The following ITPR2 variants were observed in gnomAD, a reference collection of about 807,000 sequenced individuals.
The protein encoded by ITPR2 is inositol 1,4,5-trisphosphate receptor type 2.
Under a neutral mutation model 317.1 loss-of-function variants are expected in ITPR2, and 207 were observed. That is an observed-to-expected ratio of 0.65 (90% CI 0.58 to 0.73). The LOEUF (loss-of-function observed/expected upper bound fraction) is 0.73. ITPR2 is among the 30% of genes least tolerant of loss of function. ITPR2 has a pLI of 0.00. For synonymous variants in ITPR2, 1,156 were observed against 1,149.1 expected, an observed-to-expected ratio of 1.01 and a Z score of -0.12; for missense variants, 2,613 against 3,284.0, an observed-to-expected ratio of 0.80 and a Z score of 4.99.
intron 55 of ITPR2, among the ~76,000 whole-genome samples, chr12:26,352,032 G>A (rs1938498214): frequency 6.6e-6 from 1 of 152,176 alleles, no homozygotes; most frequent in African/African-American, 2.4e-5. Flanking sequence ...CGTCCAATGT[G>A]TGGCTGCCCA....
At chr12:26,764,974 C>T (rs1949694780) in intron 2 of ITPR2, among the ~76,000 whole-genome samples, 1 of 151,944 alleles carries the variant, frequency 6.6e-6, no homozygotes, top group Non-Finnish European at 1.5e-5. Flanking sequence ...ATTTTTTACC[C>T]ACATTTGGGC....
At chr12:26,725,869 G>A in intron 2 of ITPR2, 104 bp from the exon 3 acceptor site, 1 of 735,296 alleles carries the variant, frequency 1.4e-6, no homozygotes, top group South Asian at 1.7e-5. Flanking sequence ...TGATTATACA[G>A]AACAGTTAAA....
chr12:26,378,258 T>G (rs925377391), intron 55 of ITPR2, among the ~76,000 whole-genome samples: 18 of 151,956 alleles, frequency 1.2e-4, no homozygotes, highest in Non-Finnish European at 2.1e-4. Flanking sequence ...GGAATGGGGA[T>G]GTCAGGGAAG....
At chr12:26,416,385 T>A (rs1379367309) in intron 50 of ITPR2, among the ~76,000 whole-genome samples, 1 of 152,186 alleles carries the variant, frequency 6.6e-6, no homozygotes, top group Non-Finnish European at 1.5e-5. Context: ...TAGAAAGGTA[T>A]AAATATCTGT....
At chr12:26,830,531 T>C (rs557986264) in intron 1 of ITPR2, among the ~76,000 whole-genome samples, 175 of 152,380 alleles carry the variant, frequency 1.1e-3, no homozygotes, top group Middle Eastern at 3.4e-3. Context: ...TAATGCCCTC[T>C]GTTTCCTGGG....
chr12:26,654,914 C>T (rs1947338394), intron 20 of ITPR2, among the ~76,000 whole-genome samples: 1 of 152,222 alleles, frequency 6.6e-6, no homozygotes. Context: ...GCTACCCCAT[C>T]ACAGACCCTG....
At chr12:26,545,000 C>T (rs908326669) in intron 37 of ITPR2, among the ~76,000 whole-genome samples, 2 of 152,218 alleles carry the variant, frequency 1.3e-5, no homozygotes, top group South Asian at 2.1e-4. Flanking sequence ...CAGCAAAGTG[C>T]TATAGATTCC....
intron 1 of ITPR2, chr12:26,801,314 A>G (rs1392432120): frequency 5.8e-6 from 1 of 172,148 alleles, no homozygotes; most frequent in Non-Finnish European, 1.3e-5. Context: ...TTTGTTGGCA[A>G]ATGATCCCCA....
At position 26,491,482 on chromosome 12, in the gene ITPR2, CAAAAAA is replaced by C. The variant is rs57612774; in HGVS notation, c.5370+2665_5370+2670del. Among the ~76,000 whole-genome samples, 21 of 57,858 alleles carry C rather than the reference CAAAAAA, an allele frequency of 3.6e-4. 1 individual carries two copies. Among genetic ancestry groups the C allele is most frequent in the East Asian group, 8.3e-4 (1 of 1,198 alleles). 38.0% of individuals were successfully genotyped at this position (57,858 alleles called of 152,430 possible). On this transcript the variant is annotated intron_variant, in intron 39 of 56. Transcript: ENST00000381340. The stretch of plus-strand genomic sequence containing the variant: ...TGGGCCACAGAGCAAGACTCCATCT[CAAAAAA>C]AAAAAAAAAAAAAAAAAAAAGGCAT...
In ITPR2 at chr12:26,487,185, G is replaced by A. The variant is rs372547850; in HGVS notation, c.5437C>T (p.Arg1813Ter). The A allele has an allele frequency of 5.0e-6, 8 of 1,612,524 alleles. No individual in the cohort carries two copies. Among genetic ancestry groups the A allele is most frequent in the African/African-American group, 1.3e-5 (1 of 74,784 alleles). The change falls in exon 40 of 57, where the codon CGA becomes TGA. Residue 1813 changes from arginine (R) to a stop codon, truncating the protein, a stop_gained. Coordinates refer to ENST00000381340, the MANE Select transcript of ITPR2 (RefSeq NM_002223.4). LOFTEE classifies it high-confidence loss of function. ...SEKFFKVLYD[R>*]MKAAQKEIRS... is the part of the protein sequence containing the mutation. ...ATTTCTTTCTGAGCAGCCTTCATTC[G>A]ATCATAGAGAACTTTAAAGAATTTT...
chr12:26,487,587 C>T (rs142627480), intron 39 of ITPR2, among the ~76,000 whole-genome samples: 3 of 152,210 alleles, frequency 2.0e-5, no homozygotes, highest in Admixed American at 6.5e-5. Context: ...TAAAGTCATG[C>T]ATTGATTCAA....
chr12:26,369,912 GT>G (rs1339323371), intron 55 of ITPR2, among the ~76,000 whole-genome samples: 8 of 152,230 alleles, frequency 5.3e-5, no homozygotes, highest in African/African-American at 1.7e-4. Flanking sequence ...TGAAACCCCT[GT>G]GAAAACTTTG....
chr12:26,519,451 A>T (rs1242960068), intron 37 of ITPR2, among the ~76,000 whole-genome samples: 1 of 152,238 alleles, frequency 6.6e-6, no homozygotes, highest in African/African-American at 2.4e-5. Context: ...ATGCTGAAGA[A>T]CCATTTGACA....
At chr12:26,371,425 A>T (rs1335119007) in intron 55 of ITPR2, among the ~76,000 whole-genome samples, 2 of 152,352 alleles carry the variant, frequency 1.3e-5, no homozygotes, top group Non-Finnish European at 2.9e-5. Flanking sequence ...AGTTACCAAG[A>T]CATCAAGAGT....
intron 2 of ITPR2, among the ~76,000 whole-genome samples, chr12:26,749,776 T>C (rs947508881): frequency 1.3e-5 from 2 of 152,228 alleles, no homozygotes; most frequent in Non-Finnish European, 2.9e-5. Context: ...TTAAGTACTA[T>C]GCCTCAAGAA....
chr12:26,562,351 A>G (rs1944841558), intron 34 of ITPR2, among the ~76,000 whole-genome samples: 1 of 152,236 alleles, frequency 6.6e-6, no homozygotes, highest in African/African-American at 2.4e-5. Context: ...GTGTGCACAC[A>G]AAATTGTATG....
chr12:26,399,825 G>A (rs956684995), intron 53 of ITPR2, among the ~76,000 whole-genome samples: 1 of 152,182 alleles, frequency 6.6e-6, no homozygotes, highest in African/African-American at 2.4e-5. Flanking sequence ...AGGCAACCTC[G>A]TTTATGTTAT....
At chr12:26,719,434 T>C (rs935803390) in intron 5 of ITPR2, among the ~76,000 whole-genome samples, 5 of 152,176 alleles carry the variant, frequency 3.3e-5, no homozygotes, top group Admixed American at 1.3e-4. Context: ...TTCTGTTGAT[T>C]CTATGTAAGA....
chr12:26,566,782 T>C (rs868392647), intron 34 of ITPR2, among the ~76,000 whole-genome samples: 1 of 152,164 alleles, frequency 6.6e-6, no homozygotes, highest in African/African-American at 2.4e-5. Flanking sequence ...TCCCAAAGCA[T>C]GCAATATCTC....
Sources: allele counts gnomAD v4.1 joint callset (sites outside exome capture counted in the v4.1 genomes callset), GRCh38; gene constraint gnomAD v4.1.1; transcripts MANE v1.5; gene names NCBI Gene and HGNC (gene_info 2026-07-23, HGNC 2026-07-21).